Variants in DOCK9 observed in about 807,000 individuals in gnomAD.
The protein encoded by DOCK9 is dedicator of cytokinesis 9, also known as dedicator of cytokinesis protein 9.
In DOCK9, 89 loss-of-function variants were observed where a neutral mutation model predicts 263.3. That is an observed-to-expected ratio of 0.34 (90% CI 0.28 to 0.40). The LOEUF (loss-of-function observed/expected upper bound fraction) is 0.40, where lower values mean the gene tolerates loss of function less well. DOCK9 is among the 10% of genes least tolerant of loss of function. The pLI is 1.00. For synonymous variants in DOCK9, 976 were observed against 973.1 expected, an observed-to-expected ratio of 1.00 and a Z score of -0.06; for missense variants, 2,140 against 2,603.4, an observed-to-expected ratio of 0.82 and a Z score of 3.87.
At chr13:98,819,504 C>T (rs1336102512) in intron 45 of DOCK9, among the ~76,000 whole-genome samples, 2 of 152,218 alleles carry the variant, frequency 1.3e-5, no homozygotes, top group African/African-American at 4.8e-5. Context: ...AGCTTACTCA[C>T]TCTCAGACCT....
At chr13:98,816,743 G>T (rs1395700360) in intron 45 of DOCK9, among the ~76,000 whole-genome samples, 1 of 151,326 alleles carries the variant, frequency 6.6e-6, no homozygotes, top group African/African-American at 2.4e-5. Flanking sequence ...GGTGGGGGTG[G>T]GAATACGAAG....
chr13:98,868,461 C>T (rs903278031), intron 27 of DOCK9, 84 bp from the exon 28 acceptor site: 11 of 1,434,782 alleles, frequency 7.7e-6, no homozygotes, highest in Middle Eastern at 2.1e-4. Flanking sequence ...CTGAGTCCAT[C>T]TTAAAAAACC....
At chr13:99,053,670 G>A (rs1039001369) in intron 1 of DOCK9, among the ~76,000 whole-genome samples, 1 of 152,158 alleles carries the variant, frequency 6.6e-6, no homozygotes, top group Non-Finnish European at 1.5e-5. Flanking sequence ...TTCAGTAACT[G>A]CAGGAGGGTT....
intron 9 of DOCK9, among the ~76,000 whole-genome samples, chr13:98,906,849 A>G (rs1377003581): frequency 6.6e-6 from 1 of 152,156 alleles, no homozygotes; most frequent in East Asian, 1.9e-4. Context: ...GTAGCTGTGC[A>G]AGCTACTTAG....
intron 1 of DOCK9, among the ~76,000 whole-genome samples, chr13:99,054,112 A>G (rs576412608): frequency 1.2e-4 from 19 of 152,326 alleles, no homozygotes; most frequent in Admixed American, 4.6e-4. Context: ...GCCGCATCTC[A>G]AAAGAGGAGA....
intron 1 of DOCK9, among the ~76,000 whole-genome samples, chr13:99,081,469 C>G (rs986459802): frequency 1.3e-5 from 2 of 152,130 alleles, no homozygotes; most frequent in Non-Finnish European, 2.9e-5. Context: ...TGCTTGACAT[C>G]GAAGAAGAGT....
intron 1 of DOCK9, among the ~76,000 whole-genome samples, chr13:99,044,514 T>C (rs897134086): frequency 1.6e-4 from 25 of 152,268 alleles, no homozygotes; most frequent in African/African-American, 5.8e-4. Flanking sequence ...CACCACACCA[T>C]GGCAACCAGA....
intron 52 of DOCK9, chr13:98,796,351 GT>G: frequency 1.4e-6 from 1 of 710,252 alleles, no homozygotes; most frequent in Non-Finnish European, 2.5e-6. Flanking sequence ...GGCTTCCACT[GT>G]GCCAGACTGA....
chr13:98,921,603 A>G (rs2052001520), intron 6 of DOCK9, among the ~76,000 whole-genome samples: 1 of 152,026 alleles, frequency 6.6e-6, no homozygotes, highest in Admixed American at 6.6e-5. Flanking sequence ...AGCTTCTTCT[A>G]TTGGTTTGAC....
At chr13:98,901,993 G>A in intron 12 of DOCK9, 93 bp from the exon 13 acceptor site, 1 of 1,476,024 alleles carries the variant, frequency 6.8e-7, no homozygotes, top group Non-Finnish European at 9.1e-7. Flanking sequence ...AGTGAAACAG[G>A]ACAACTAGTA....
chr13:98,887,626 A>G (rs1301419649), intron 18 of DOCK9, among the ~76,000 whole-genome samples: 1 of 149,262 alleles, frequency 6.7e-6, no homozygotes, highest in African/African-American at 2.4e-5. Flanking sequence ...AAAAAAAAAA[A>G]AAAAAAAAAA....
chr13:99,011,057 C>T (rs111618075), intron 1 of DOCK9, among the ~76,000 whole-genome samples: 8,619 of 151,908 alleles, frequency 0.057, 262 homozygotes, highest in Middle Eastern at 0.12. Context: ...CCACCATGCC[C>T]GGCTAATTTT....
intron 1 of DOCK9, among the ~76,000 whole-genome samples, chr13:98,998,048 G>T (rs1881442795): frequency 6.6e-6 from 1 of 152,166 alleles, no homozygotes; most frequent in South Asian, 2.1e-4. Flanking sequence ...TGATGGTGAG[G>T]GTGTCATGCA....
Position 99,067,498 on chromosome 13 carries a change from C to T in DOCK9, c.129+18725G>A, listed in dbSNP as rs145022352. Among the ~76,000 whole-genome samples, 195 of 152,300 alleles carry T rather than the reference C, an allele frequency of 1.3e-3. 2 individuals carry two copies. The highest frequency in any genetic ancestry group is 4.6e-3 in the African/African-American group (191 of 41,552). On this transcript the variant is annotated intron_variant, in intron 1 of 32. Transcript: ENST00000427887. ...GCCTGCAGCAGAGAAGACTGGATTC[C>T]ATCTGGCCTCTGCCCCTCCTCTCCC...
intron 38 of DOCK9, among the ~76,000 whole-genome samples, chr13:98,840,226 G>C (rs1351928123): frequency 1.3e-5 from 2 of 152,212 alleles, no homozygotes; most frequent in Non-Finnish European, 2.9e-5. Context: ...CTAAGGGTTG[G>C]CAATGTTTTG....
chr13:98,891,796 C>G (rs1353514869), intron 15 of DOCK9, among the ~76,000 whole-genome samples: 1 of 143,940 alleles, frequency 6.9e-6, no homozygotes, highest in Non-Finnish European at 1.5e-5. Context: ...TATTATGTAG[C>G]ACATGGGCTT....
chr13:99,042,712 T>C (rs1330390663), intron 1 of DOCK9, among the ~76,000 whole-genome samples: 1 of 152,220 alleles, frequency 6.6e-6, no homozygotes, highest in East Asian at 1.9e-4. Context: ...ACATTTTACT[T>C]TCAACTGTGG....
intron 48 of DOCK9, 110 bp from the exon 49 acceptor site, chr13:98,805,319 A>T (rs1566535002): frequency 1.0e-6 from 1 of 970,080 alleles, no homozygotes; most frequent in Non-Finnish European, 1.5e-6. Flanking sequence ...CGGAGAGAAG[A>T]GTACAACAAA....
intron 45 of DOCK9, among the ~76,000 whole-genome samples, chr13:98,814,699 G>C (rs74908595): frequency 0.015 from 2,230 of 152,206 alleles, 55 homozygotes; most frequent in African/African-American, 0.051. Flanking sequence ...AGCACTTTGG[G>C]AAGGCATGGT....
Sources: gnomAD v4.1 joint callset for allele counts (sites outside exome capture counted in the v4.1 genomes callset) on GRCh38, gnomAD v4.1.1 for gene constraint, MANE v1.5 for transcripts, NCBI Gene and HGNC (gene_info 2026-07-23, HGNC 2026-07-21) for gene names.